Variants in RBMS1 observed in about 807,000 individuals in gnomAD.
RBMS1 encodes RNA binding motif single stranded interacting protein 1, also known as RNA-binding motif, single-stranded-interacting protein 1.
A neutral mutation model predicts 62.3 loss-of-function variants in RBMS1; 17 were observed. The observed-to-expected ratio is 0.27, with a 90% CI of 0.19 to 0.41. RBMS1 has a LOEUF of 0.41. RBMS1 is among the 10% of genes least tolerant of loss of function. RBMS1 has a pLI of 1.00. For synonymous variants in RBMS1, 172 were observed against 170.0 expected, an observed-to-expected ratio of 1.01 and a Z score of -0.09; for missense variants, 334 against 504.5, an observed-to-expected ratio of 0.66 and a Z score of 3.24.
At chr2:160,375,513 AGATC>A (rs1377039813) in intron 1 of RBMS1, among the ~76,000 whole-genome samples, 1 of 152,212 alleles carries the variant, frequency 6.6e-6, no homozygotes, top group African/African-American at 2.4e-5. Flanking sequence ...TAGTAACTTA[AGATC>A]TATAGAGACT....
chr2:160,375,990 C>T (rs746511211), intron 1 of RBMS1, among the ~76,000 whole-genome samples: 37 of 152,002 alleles, frequency 2.4e-4, no homozygotes, highest in Admixed American at 8.5e-4. Context: ...CATTTCCTGC[C>T]TCACCCCAGT....
At chr2:160,333,372 C>T (rs760139061) in intron 2 of RBMS1, among the ~76,000 whole-genome samples, 15 of 152,188 alleles carry the variant, frequency 9.9e-5, no homozygotes, top group South Asian at 2.1e-4. Context: ...TTTCCCACTA[C>T]TTAACTGCTC....
At chr2:160,392,856 C>T (rs1165978440) in intron 1 of RBMS1, among the ~76,000 whole-genome samples, 2 of 151,872 alleles carry the variant, frequency 1.3e-5, no homozygotes, top group South Asian at 2.1e-4. Flanking sequence ...TGCACCACTG[C>T]ACCACACTCC....
chr2:160,324,987 A>T (rs181266459), intron 2 of RBMS1, among the ~76,000 whole-genome samples: 16 of 150,418 alleles, frequency 1.1e-4, no homozygotes, highest in African/African-American at 3.4e-4. Context: ...GGGGAGGTGG[A>T]GTATTACTCC....
chr2:160,393,303 G>T (rs1694957708), intron 1 of RBMS1, among the ~76,000 whole-genome samples: 1 of 152,134 alleles, frequency 6.6e-6, no homozygotes, highest in Non-Finnish European at 1.5e-5. Flanking sequence ...AGCTCTTATG[G>T]CACTAATTTC....
At position 160,323,621 on chromosome 2, in the gene RBMS1, A is replaced by AAC. The variant is rs921085624; in HGVS notation, c.252-5395_252-5394insGT. Among the ~76,000 whole-genome samples, 5 of 151,790 alleles carry AAC rather than the reference A, an allele frequency of 3.3e-5. No individual in the cohort carries two copies. The East Asian group carries it at 9.7e-4, about 29-fold the overall frequency. ...GTAGAATTTCATGAAAGAAAAAAAA[A>AAC]AAAAAAAAAACTGTGACTATGAAGA... On this transcript the variant is annotated intron_variant, in intron 2 of 13. Coordinates refer to ENST00000348849, the MANE Select transcript of RBMS1 (RefSeq NM_016836.4).
At chr2:160,461,591 C>T (rs746383055) in intron 1 of RBMS1, among the ~76,000 whole-genome samples, 24 of 152,338 alleles carry the variant, frequency 1.6e-4, no homozygotes, top group African/African-American at 5.3e-4. Context: ...GCTTCGGGAG[C>T]GCTATAGGCC....
chr2:160,455,081 A>G (rs1247515818), intron 1 of RBMS1, among the ~76,000 whole-genome samples: 1 of 152,222 alleles, frequency 6.6e-6, no homozygotes, highest in Non-Finnish European at 1.5e-5. Context: ...CTAGAATGCC[A>G]CATTATACAT....
At chr2:160,285,152 G>C in intron 7 of RBMS1, 108 bp from the exon 8 acceptor site, 2 of 1,075,884 alleles carry the variant, frequency 1.9e-6, no homozygotes, top group Non-Finnish European at 2.8e-6. Context: ...AGCTGCTGGG[G>C]AGGCTGAGGT....
intron 2 of RBMS1, among the ~76,000 whole-genome samples, chr2:160,353,419 C>T (rs1350597706): frequency 2.0e-5 from 3 of 152,036 alleles, no homozygotes; most frequent in Non-Finnish European, 4.4e-5. Flanking sequence ...TAACATAATA[C>T]AAATATTATC....
At chr2:160,318,892 C>T (rs150633951) in intron 2 of RBMS1, among the ~76,000 whole-genome samples, 41 of 152,210 alleles carry the variant, frequency 2.7e-4, no homozygotes, top group African/African-American at 7.2e-4. Context: ...GCACATGTGT[C>T]TAAGAAACGG....
At chr2:160,293,186 A>G (rs1383361834) in intron 6 of RBMS1, among the ~76,000 whole-genome samples, 1 of 152,218 alleles carries the variant, frequency 6.6e-6, no homozygotes, top group Non-Finnish European at 1.5e-5. Context: ...AGAAATATTA[A>G]GGGAACAAAA....
chr2:160,362,195 C>T (rs1006462975), intron 2 of RBMS1, among the ~76,000 whole-genome samples: 1 of 152,228 alleles, frequency 6.6e-6, no homozygotes, highest in Non-Finnish European at 1.5e-5. Flanking sequence ...CTATTCAGAT[C>T]ACTCAAATTT....
At chr2:160,286,929 C>T in intron 7 of RBMS1, 40 bp downstream of exon 7, 1 of 1,608,362 alleles carries the variant, frequency 6.2e-7, no homozygotes, top group South Asian at 1.1e-5. Context: ...CAAGATCACA[C>T]CCCCTCCCCC....
At chr2:160,444,178 G>A (rs536268945) in intron 1 of RBMS1, among the ~76,000 whole-genome samples, 3 of 152,144 alleles carry the variant, frequency 2.0e-5, no homozygotes, top group Middle Eastern at 3.4e-3. Flanking sequence ...TGGGAAAATG[G>A]AACAACTTCT....
At chr2:160,486,823 C>T (rs1685618944) in intron 1 of RBMS1, among the ~76,000 whole-genome samples, 2 of 152,172 alleles carry the variant, frequency 1.3e-5, no homozygotes, top group Non-Finnish European at 2.9e-5. Context: ...TAATTAGCAG[C>T]ATTACAAACC....
At chr2:160,477,196 A>T (rs1685179548) in intron 1 of RBMS1, among the ~76,000 whole-genome samples, 1 of 152,182 alleles carries the variant, frequency 6.6e-6, no homozygotes, top group South Asian at 2.1e-4. Flanking sequence ...AATTGCATGT[A>T]TCTAGCAGGG....
At chr2:160,481,078 TA>T (rs71006610) in intron 1 of RBMS1, among the ~76,000 whole-genome samples, 54,823 of 112,340 alleles carry the variant, frequency 0.49, 12,513 homozygotes, top group Admixed American at 0.57. Flanking sequence ...GAGACTGCCT[TA>T]AAAAAAAAAA....
chr2:160,382,987 C>A (rs973868527), intron 1 of RBMS1, among the ~76,000 whole-genome samples: 1 of 152,074 alleles, frequency 6.6e-6, no homozygotes. Flanking sequence ...TATACAGTAA[C>A]TACAACACTG....
Sources: gnomAD v4.1 joint callset for allele counts (sites outside exome capture counted in the v4.1 genomes callset) on GRCh38, gnomAD v4.1.1 for gene constraint, MANE v1.5 for transcripts, NCBI Gene and HGNC (gene_info 2026-07-23, HGNC 2026-07-21) for gene names.